The following PLEKHA5 variants were observed in gnomAD, a reference collection of about 807,000 sequenced individuals.
The protein encoded by PLEKHA5 is pleckstrin homology domain containing A5, also known as pleckstrin homology domain-containing family A member 5.
Under a neutral mutation model 181.9 loss-of-function variants are expected in PLEKHA5, and 55 were observed. That is an observed-to-expected ratio of 0.30 (90% CI 0.24 to 0.38). PLEKHA5 has a LOEUF of 0.38. Among genes scored for constraint, PLEKHA5 ranks in the 10% least tolerant of loss-of-function variants. PLEKHA5 has a pLI of 1.00. For synonymous variants in PLEKHA5, 535 were observed against 529.4 expected, an observed-to-expected ratio of 1.01 and a Z score of -0.15; for missense variants, 1,432 against 1,549.5, an observed-to-expected ratio of 0.92 and a Z score of 1.27.
intron 3 of PLEKHA5, among the ~76,000 whole-genome samples, chr12:19,250,684 A>G (rs774945471): frequency 2.6e-5 from 4 of 152,030 alleles, no homozygotes; most frequent in Non-Finnish European, 5.9e-5. Context: ...ACTTTTTTTT[A>G]TTCTCGGTTT....
At chr12:19,287,698 A>G in intron 13 of PLEKHA5, 142 bp downstream of exon 13, 1 of 608,004 alleles carries the variant, frequency 1.6e-6, no homozygotes. Flanking sequence ...AGAGATGCTC[A>G]TCAGAATTTG....
chr12:19,303,666 C>A, intron 15 of PLEKHA5: 1 of 152,256 alleles, frequency 6.6e-6, no homozygotes, highest in Non-Finnish European at 1.5e-5. Flanking sequence ...AGGGGTGAGC[C>A]AGCCCAGTAG....
At chr12:19,311,839 T>A (rs1332942461) in intron 15 of PLEKHA5, among the ~76,000 whole-genome samples, 1 of 152,196 alleles carries the variant, frequency 6.6e-6, no homozygotes, top group African/African-American at 2.4e-5. Flanking sequence ...AAATATCTAG[T>A]ATCCAGAATG....
chr12:19,208,754 T>C (rs1221655777), intron 3 of PLEKHA5, among the ~76,000 whole-genome samples: 1 of 152,172 alleles, frequency 6.6e-6, no homozygotes, highest in African/African-American at 2.4e-5. Context: ...TATTCTTAGC[T>C]ACTTAAGAGC....
At chr12:19,177,542 A>G (rs938747501) in intron 3 of PLEKHA5, among the ~76,000 whole-genome samples, 9 of 152,198 alleles carry the variant, frequency 5.9e-5, no homozygotes, top group Non-Finnish European at 8.8e-5. Context: ...TCCCACTGCA[A>G]CACATCTAAT....
At chr12:19,159,575 A>G (rs944162860) in intron 3 of PLEKHA5, among the ~76,000 whole-genome samples, 1 of 152,100 alleles carries the variant, frequency 6.6e-6, no homozygotes, top group Non-Finnish European at 1.5e-5. Flanking sequence ...TAAATGTTTC[A>G]TTTAAAATTG....
intron 3 of PLEKHA5, among the ~76,000 whole-genome samples, chr12:19,223,272 C>G (rs1004373757): frequency 9.2e-5 from 14 of 152,064 alleles, no homozygotes; most frequent in Non-Finnish European, 1.9e-4. Context: ...GGACAGTGAT[C>G]ATAAAATCCA....
chr12:19,347,938 A>G (rs2094420503), intron 24 of PLEKHA5, among the ~76,000 whole-genome samples: 1 of 142,832 alleles, frequency 7.0e-6, no homozygotes, highest in Admixed American at 7.4e-5. Context: ...GCTGGAGTGC[A>G]GTAGAGCAAT....
At chr12:19,211,460 T>C (rs2152187624) in intron 3 of PLEKHA5, among the ~76,000 whole-genome samples, 1 of 152,198 alleles carries the variant, frequency 6.6e-6, no homozygotes, top group South Asian at 2.1e-4. Flanking sequence ...GATGGAGTGA[T>C]GGGACCACAA....
At chr12:19,137,233 C>T (rs1367665836) in intron 3 of PLEKHA5, among the ~76,000 whole-genome samples, 5 of 151,962 alleles carry the variant, frequency 3.3e-5, no homozygotes, top group Admixed American at 6.5e-5. Flanking sequence ...GAAGGGGTTT[C>T]GCCACGTTGG....
intron 15 of PLEKHA5, among the ~76,000 whole-genome samples, chr12:19,313,267 C>T (rs562590467): frequency 1.3e-5 from 2 of 152,086 alleles, no homozygotes; most frequent in South Asian, 2.1e-4. Flanking sequence ...CCTAGCTATG[C>T]GAGAGGCTGA....
rs192734422 is a variant in PLEKHA5 at position 19,268,558 on chromosome 12, T to C, written c.712-1212T>C. Among the ~76,000 whole-genome samples the C allele has an allele frequency of 5.3e-4, 81 of 152,358 alleles. 1 individual carries two copies. Among genetic ancestry groups the C allele is most frequent in the African/African-American group, 1.8e-3 (73 of 41,580 alleles). On this transcript the variant is annotated intron_variant, in intron 8 of 31. Coordinates refer to ENST00000429027, the MANE Select transcript of PLEKHA5 (RefSeq NM_001256470.2). Reference sequence around the variant, plus strand: ...TTTACTCCTAAGTTTGCTGACATTGTTGCAAATGCTTATCAGAATGGTAAG... The same window carrying C: ...TTTACTCCTAAGTTTGCTGACATTGCTGCAAATGCTTATCAGAATGGTAAG...
chr12:19,290,356 A>C (rs1370410968), intron 13 of PLEKHA5, among the ~76,000 whole-genome samples: 1 of 152,214 alleles, frequency 6.6e-6, no homozygotes, highest in Admixed American at 6.5e-5. Context: ...ATAATTTTTT[A>C]GTAGCACTTA....
chr12:19,258,255 C>A (rs2067382279), intron 6 of PLEKHA5, among the ~76,000 whole-genome samples: 1 of 152,070 alleles, frequency 6.6e-6, no homozygotes, highest in Non-Finnish European at 1.5e-5. Context: ...CTATTTACTT[C>A]CCAGTTTGCA....
chr12:19,266,774 ACT>A (rs956359039), intron 8 of PLEKHA5, among the ~76,000 whole-genome samples: 2 of 152,078 alleles, frequency 1.3e-5, no homozygotes, highest in Non-Finnish European at 2.9e-5. Context: ...ACAGAGTGAG[ACT>A]CTGTATTAAT....
chr12:19,354,034 A>T (rs2094759313), intron 26 of PLEKHA5, 32 bp downstream of exon 26: 2 of 1,023,454 alleles, frequency 2.0e-6, no homozygotes, highest in Non-Finnish European at 3.0e-6. Context: ...TTCTAGGAAG[A>T]TTCTCACATC....
chr12:19,269,967 A>C (rs879240798), intron 9 of PLEKHA5, 82 bp downstream of exon 9: 3 of 745,032 alleles, frequency 4.0e-6, no homozygotes, highest in Non-Finnish European at 6.9e-6. Context: ...GTCATAGTAC[A>C]TATCATTTTA....
At chr12:19,245,532 A>G (rs2063502278) in intron 3 of PLEKHA5, among the ~76,000 whole-genome samples, 1 of 152,024 alleles carries the variant, frequency 6.6e-6, no homozygotes. Flanking sequence ...GTTCGAGACC[A>G]GCCTGGCCAA....
chr12:19,359,100 T>C (rs990755738), intron 27 of PLEKHA5, among the ~76,000 whole-genome samples: 1 of 152,212 alleles, frequency 6.6e-6, no homozygotes, highest in African/African-American at 2.4e-5. Flanking sequence ...GAACATGCTT[T>C]CCTGTCCTAA....
Sources: gnomAD v4.1 joint callset for allele counts (sites outside exome capture counted in the v4.1 genomes callset) on GRCh38, gnomAD v4.1.1 for gene constraint, MANE v1.5 for transcripts, NCBI Gene and HGNC (gene_info 2026-07-23, HGNC 2026-07-21) for gene names.